Variants in NIPAL3 observed in about 807,000 individuals in gnomAD.
The protein encoded by NIPAL3 is NIPA like domain containing 3, also known as NIPA-like protein 3.
Under a neutral mutation model 47.2 loss-of-function variants are expected in NIPAL3, and 41 were observed. The ratio of observed to expected loss-of-function variants is 0.87; its 90% CI spans 0.68 to 1.13. The LOEUF (loss-of-function observed/expected upper bound fraction) is 1.13, where lower values mean the gene tolerates loss of function less well. Among genes scored for constraint, NIPAL3 ranks in the 50% most tolerant of loss-of-function variants. The pLI is 0.00. For synonymous variants in NIPAL3, 194 were observed against 209.6 expected (o/e 0.93, Z 0.64); for missense variants, 449 against 530.1 (o/e 0.85, Z 1.50).
intron 2 of NIPAL3, among the ~76,000 whole-genome samples, chr1:24,425,419 T>C (rs1178966263): frequency 6.6e-6 from 1 of 152,198 alleles, no homozygotes; most frequent in Non-Finnish European, 1.5e-5. Context: ...AGCCAAAAGA[T>C]TGAACACCCC....
chr1:24,439,863 T>G lies in NIPAL3; in HGVS notation c.94-309T>G, dbSNP rs188498351. ...CTTGTAAATTCTGATTTTGGAATGT[T>G]GCTTTTCTGCACAAGATGGTGGCAA... On this transcript the variant is annotated intron_variant, in intron 2 of 11. Transcript: ENST00000374399. Among the ~76,000 whole-genome samples, 567 of 152,354 alleles carry G rather than the reference T, an allele frequency of 3.7e-3. 3 individuals carry two copies. The highest frequency in any genetic ancestry group is 0.02 in the South Asian group (95 of 4,832).
chr1:24,449,581 G>C lies in NIPAL3; in HGVS notation c.495G>C (p.Glu165Asp). Residue 165 changes from glutamate (E) to aspartate (D), a missense_variant, in exon 6 of 12, where the codon GAG becomes GAC. By Grantham distance (45) the Glu-to-Asp change is conservative. Transcript: ENST00000374399. The surrounding 1 kb of genome is among the most constrained non-coding windows in gnomAD (Gnocchi z 4.5). ...APNSHEKMTGENVTRHLVSWP... is the reference protein window; with the variant it reads ...APNSHEKMTGDNVTRHLVSWP... ...ACAGTCACGAGAAGATGACAGGCGA[G>C]AATGTCACCAGGCACCTCGTGAGCT... is the stretch of plus-strand genomic sequence containing the variant. The C allele has an allele frequency of 6.2e-7, 1 of 1,614,096 alleles. No individual in the cohort carries two copies. Among genetic ancestry groups the C allele is most frequent in the Non-Finnish European group, 8.5e-7 (1 of 1,180,018 alleles).
At chr1:24,421,376 C>G (rs1644324131) in intron 2 of NIPAL3, among the ~76,000 whole-genome samples, 1 of 151,998 alleles carries the variant, frequency 6.6e-6, no homozygotes, top group African/African-American at 2.4e-5. Flanking sequence ...AAAAAAAGAT[C>G]AGTGACTGCT....
chr1:24,425,787 C>A (rs377054822), intron 2 of NIPAL3, among the ~76,000 whole-genome samples: 1 of 152,026 alleles, frequency 6.6e-6, no homozygotes, highest in Non-Finnish European at 1.5e-5. Flanking sequence ...TGAGAATGAC[C>A]GGAATTTACA....
rs1302842308 is a variant in NIPAL3 at position 24,466,228 on chromosome 1, A to C, written c.1021+2108A>C. 6.6e-6 allele frequency: 5 copies of C among 753,886 alleles called. No individual in the cohort carries two copies. The Admixed American group carries it at 1.4e-4, about 21-fold the overall frequency. 46.7% of individuals were successfully genotyped at this position (753,886 alleles called of 1,614,324 possible). ...AACAATTTCACAGAACATCAGCAGC[A>C]GACAAGGCCACTCTGCAGCTGTGAT... On this transcript the variant is annotated intron_variant, in intron 11 of 11. Transcript: ENST00000374399.
chr1:24,460,638 T>C lies in NIPAL3; in HGVS notation c.926+94T>C, dbSNP rs962397655. On this transcript the variant is annotated intron_variant, in intron 10 of 11. Transcript: ENST00000374399. The stretch of plus-strand genomic sequence containing the variant: ...CTCCCTTATTGCTACAGCCGCCCCA[T>C]CCTTTAGAGTCAGAGGAGCTGTGGG... The C allele has an allele frequency of 6.9e-6, 7 of 1,013,688 alleles. No homozygotes were observed. In the East Asian group the frequency reaches 2.1e-4, roughly 30 times the overall value. The allele number at this position is 1,013,688 out of a possible 1,614,324, so 62.8% of individuals were successfully genotyped here.
chr1:24,419,714 A>G, intron 2 of NIPAL3, 74 bp downstream of exon 2: 3 of 1,321,886 alleles, frequency 2.3e-6, no homozygotes, highest in Non-Finnish European at 3.2e-6. Flanking sequence ...GCATTGGCTA[A>G]CAGATATGTA....
chr1:24,469,059 G>T lies in NIPAL3; in HGVS notation c.1095G>T (p.Leu365=). The T allele has an allele frequency of 6.2e-7, 1 of 1,613,946 alleles. No homozygotes were observed. The highest frequency in any genetic ancestry group is 8.5e-7 in the Non-Finnish European group (1 of 1,179,978). The change falls in exon 12 of 12, where the codon CTG becomes CTT. Residue 365 remains leucine, a synonymous_variant. Transcript: ENST00000374399. ...AAGCTTCTTTTTCCTATGGGGCTCT[G>T]GAAAACAATGACAACATTTCTGAGA... ...ELKASFSYGA[L]ENNDNISEIY...
intron 11 of NIPAL3, chr1:24,464,383 G>A (rs914633015): frequency 4.4e-4 from 111 of 253,040 alleles, no homozygotes; most frequent in African/African-American, 2.3e-3. Flanking sequence ...AATATAATTA[G>A]GATCTGCAGC....
intron 4 of NIPAL3, among the ~76,000 whole-genome samples, chr1:24,444,048 A>G (rs1027516810): frequency 1.3e-5 from 2 of 151,946 alleles, no homozygotes; most frequent in Non-Finnish European, 2.9e-5. Flanking sequence ...CCAAGTTATA[A>G]TGATAAAACT....
In NIPAL3 at chr1:24,449,533, C is replaced by A; in HGVS notation, c.447C>A (p.Tyr149Ter). The A allele has an allele frequency of 6.2e-7, 1 of 1,614,044 alleles. No individual in the cohort carries two copies. The highest frequency in any genetic ancestry group is 8.5e-7 in the Non-Finnish European group (1 of 1,180,034). Residue 149 changes from tyrosine (Y) to a stop codon, truncating the protein, a stop_gained, in exon 6 of 12, where the codon TAC (tyrosine) becomes TAA (stop). Transcript: ENST00000374399. LOFTEE classifies it high-confidence loss of function. The surrounding 1 kb of genome is among the most constrained non-coding windows in gnomAD (Gnocchi z 4.5). ...GCGGTTTGGCTGTCGTGGGTACCTA[C>A]CTGCTGGTGACATTCGCACCCAACA... ...VGCGLAVVGT[Y>*]LLVTFAPNSH... is the part of the protein sequence containing the mutation.
intron 2 of NIPAL3, among the ~76,000 whole-genome samples, chr1:24,430,859 G>A (rs113497755): frequency 0.011 from 1,624 of 152,242 alleles, 30 homozygotes; most frequent in African/African-American, 0.035. Context: ...TGCTTATGCT[G>A]TACTTTAATG....
At chr1:24,466,827 C>T (rs910079716) in intron 11 of NIPAL3, among the ~76,000 whole-genome samples, 2 of 152,206 alleles carry the variant, frequency 1.3e-5, no homozygotes, top group Non-Finnish European at 2.9e-5. Flanking sequence ...TCTTCCACTT[C>T]CCTCTTCTGC....
chr1:24,455,992 G>A (rs1646180622), intron 7 of NIPAL3, 146 bp from the exon 8 acceptor site: 3 of 900,328 alleles, frequency 3.3e-6, no homozygotes, highest in East Asian at 4.8e-5. Flanking sequence ...AACGGCGTCT[G>A]TCACTGTGCA....
intron 2 of NIPAL3, among the ~76,000 whole-genome samples, chr1:24,424,517 G>C (rs991387958): frequency 1.3e-5 from 2 of 152,188 alleles, no homozygotes; most frequent in African/African-American, 2.4e-5. Flanking sequence ...GATGGGGAGA[G>C]GGGTTTTGAG....
At chr1:24,444,735 A>C (rs956171282) in intron 4 of NIPAL3, among the ~76,000 whole-genome samples, 3 of 152,082 alleles carry the variant, frequency 2.0e-5, no homozygotes, top group Admixed American at 6.6e-5. Context: ...GAGCCGGGGG[A>C]AATGTCAGAG....
In NIPAL3 at chr1:24,449,705, A is replaced by T; in HGVS notation, c.540+79A>T. ...CTAGAAACCAGAAACGTGAATACCC[A>T]GCAATAGGGGATTCCGTGAGTTGCG... On this transcript the variant is annotated intron_variant, in intron 6 of 11. Coordinates refer to ENST00000374399, the MANE Select transcript of NIPAL3 (RefSeq NM_020448.5). The surrounding 1 kb of genome is among the most constrained non-coding windows in gnomAD (Gnocchi z 4.5). 6.9e-7 allele frequency: 1 copy of T among 1,450,642 alleles called. No individual in the cohort carries two copies. The highest frequency in any genetic ancestry group is 9.4e-7 in the Non-Finnish European group (1 of 1,069,496). 89.9% of individuals were successfully genotyped at this position (1,450,642 alleles called of 1,614,324 possible).
chr1:24,421,510 A>T (rs1644331092), intron 2 of NIPAL3, among the ~76,000 whole-genome samples: 1 of 152,220 alleles, frequency 6.6e-6, no homozygotes, highest in South Asian at 2.1e-4. Flanking sequence ...AGTTGAGAGG[A>T]AGAGCTAGAA....
At chr1:24,463,469 C>G (rs950278197) in intron 10 of NIPAL3, among the ~76,000 whole-genome samples, 2 of 152,068 alleles carry the variant, frequency 1.3e-5, no homozygotes, top group African/African-American at 4.8e-5. Flanking sequence ...AGCTAGACAT[C>G]TAGGGTTTGT....
Sources: gnomAD v4.1 joint callset for allele counts (sites outside exome capture counted in the v4.1 genomes callset) on GRCh38, gnomAD v4.1.1 for gene constraint, Gnocchi (gnomAD v3.1) non-coding constraint, MANE v1.5 for transcripts, NCBI Gene and HGNC (gene_info 2026-07-23, HGNC 2026-07-21) for gene names.